CACNG4: variants seen among roughly 807,000 people sequenced by gnomAD.
The protein encoded by CACNG4 is voltage-dependent calcium channel gamma-4 subunit.
In CACNG4, 8 loss-of-function variants were observed where a neutral mutation model predicts 22.9. The observed-to-expected ratio is 0.35, with a 90% CI of 0.21 to 0.63. The LOEUF is 0.63. Ranked by LOEUF, CACNG4 falls within the 30% of genes least tolerant of loss-of-function variation. CACNG4 has a pLI of 0.72. For missense variants in CACNG4, 357 were observed against 455.4 expected, an observed-to-expected ratio of 0.78 and a Z score of 1.97; for synonymous variants, 188 against 191.9, an observed-to-expected ratio of 0.98 and a Z score of 0.17.
intron 1 of CACNG4, among the ~76,000 whole-genome samples, chr17:67,009,785 G>T (rs961330708): frequency 2.1e-4 from 32 of 152,142 alleles, no homozygotes; most frequent in African/African-American, 7.7e-4. Context: ...GCTCTCCAGA[G>T]TCTCTTTTAA....
Position 67,027,645 on chromosome 17 carries a change from A to G in CACNG4, c.445+2645A>G, listed in dbSNP as rs1035471592. Reference sequence around the variant, plus strand: ...ACTGGAATTCATGGAGTTGTTATTTAAGAAACCCTTTTCCAACTCGTGCTG... The same window carrying G: ...ACTGGAATTCATGGAGTTGTTATTTGAGAAACCCTTTTCCAACTCGTGCTG... On this transcript the variant is annotated intron_variant, in intron 3 of 3. Coordinates refer to ENST00000262138, the MANE Select transcript of CACNG4 (RefSeq NM_014405.4). This position sits in a 1 kb window ranked among gnomAD's most constrained non-coding sequence, Gnocchi z 4.3. Among the ~76,000 whole-genome samples, 5 of 152,346 alleles carry G rather than the reference A, an allele frequency of 3.3e-5. No homozygotes were observed. The highest frequency in any genetic ancestry group is 7.3e-5 in the Non-Finnish European group (5 of 68,036).
intron 1 of CACNG4, among the ~76,000 whole-genome samples, chr17:66,973,958 G>A (rs1046860155): frequency 6.6e-6 from 1 of 152,154 alleles, no homozygotes; most frequent in East Asian, 1.9e-4. Context: ...CCAGACAAAG[G>A]ACTTTTTTTC....
chr17:67,028,005 G>T (rs1244672469), intron 3 of CACNG4, among the ~76,000 whole-genome samples: 1 of 151,940 alleles, frequency 6.6e-6, no homozygotes, highest in African/African-American at 2.4e-5. Flanking sequence ...GGGCGACAGA[G>T]CAAGACTCTG....
intron 1 of CACNG4, among the ~76,000 whole-genome samples, chr17:66,968,985 T>A (rs568866188): frequency 6.6e-6 from 1 of 152,034 alleles, no homozygotes; most frequent in South Asian, 2.1e-4. Context: ...ATTCTTTGTA[T>A]CTTTGGTGAC....
intron 1 of CACNG4, among the ~76,000 whole-genome samples, chr17:66,996,375 G>A (rs920272949): frequency 7.3e-5 from 10 of 136,252 alleles, no homozygotes; most frequent in Middle Eastern, 3.7e-3. Flanking sequence ...ACATCAGTCC[G>A]ATTCTTTTTT....
chr17:67,028,484 C>T (rs1391819585), intron 3 of CACNG4, among the ~76,000 whole-genome samples: 3 of 151,730 alleles, frequency 2.0e-5, no homozygotes, highest in South Asian at 2.1e-4. Context: ...ACCCGGGAGG[C>T]GGAGCTTGCA....
At chr17:66,965,160 C>A (rs112802203) in intron 1 of CACNG4, 29 bp downstream of exon 1, 19,034 of 837,022 alleles carry the variant, frequency 0.023, 252 homozygotes, top group East Asian at 0.056. Context: ...CCTCGCCGCC[C>A]CACACACACA....
chr17:66,979,667 G>C (rs534468770), intron 1 of CACNG4, among the ~76,000 whole-genome samples: 1 of 151,152 alleles, frequency 6.6e-6, no homozygotes, highest in East Asian at 2.0e-4. Context: ...TAGATGAAAA[G>C]CATCCCAAGC....
chr17:66,994,553 G>A (rs141505907), intron 1 of CACNG4, among the ~76,000 whole-genome samples: 1 of 152,200 alleles, frequency 6.6e-6, no homozygotes, highest in Admixed American at 6.5e-5. Flanking sequence ...CCCCCCAGGG[G>A]CCCAGTCCTG....
intron 1 of CACNG4, among the ~76,000 whole-genome samples, chr17:66,981,345 G>C (rs1216722856): frequency 3.9e-5 from 6 of 152,158 alleles, no homozygotes; most frequent in Non-Finnish European, 8.8e-5. Flanking sequence ...CTTTCTTCTT[G>C]CTCAGTCTTT....
intron 2 of CACNG4, among the ~76,000 whole-genome samples, 185 bp from the exon 3 acceptor site, chr17:67,024,675 C>G (rs138540715): frequency 1.7e-4 from 26 of 152,372 alleles, no homozygotes; most frequent in African/African-American, 6.3e-4. Context: ...CCACTTGCAT[C>G]TGATCCAATG....
intron 1 of CACNG4, among the ~76,000 whole-genome samples, chr17:66,966,212 G>C (rs932428214): frequency 9.2e-5 from 14 of 152,218 alleles, no homozygotes; most frequent in African/African-American, 3.1e-4. Flanking sequence ...TGCGGAACTT[G>C]AACTAACAGG....
chr17:66,983,698 GAC>G lies in CACNG4; in HGVS notation c.220+18569_220+18570del, dbSNP rs568180464. 3.6e-3 allele frequency among the ~76,000 whole-genome samples: 545 copies of G among 152,336 alleles called. 2 individuals carry two copies. Among genetic ancestry groups the G allele is most frequent in the Non-Finnish European group, 5.9e-3 (402 of 68,040 alleles). On this transcript the variant is annotated intron_variant, in intron 1 of 3. Transcript: ENST00000262138. ...AGAAGGTGAAAATCATTCTGCTCGAGACAGATCCTTTAAGAAGACATTAACCA... is the reference window on the plus strand; with the variant it reads ...AGAAGGTGAAAATCATTCTGCTCGAGAGATCCTTTAAGAAGACATTAACCA...
chr17:67,007,930 C>T (rs1264933782), intron 1 of CACNG4, among the ~76,000 whole-genome samples: 1 of 152,188 alleles, frequency 6.6e-6, no homozygotes, highest in African/African-American at 2.4e-5. Context: ...CCCCACTGCT[C>T]TTGAGCCTTG....
chr17:67,032,012 G>A lies in CACNG4; in HGVS notation c.*1008G>A, dbSNP rs2035610718. 2.2e-6 allele frequency: 1 copy of A among 455,504 alleles called. No individual in the cohort carries two copies. Among genetic ancestry groups the A allele is most frequent in the East Asian group, 6.9e-5 (1 of 14,400 alleles). 28.2% of individuals were successfully genotyped at this position (455,504 alleles called of 1,614,324 possible). A position where few individuals can be genotyped will look rare whatever the true frequency, so the allele number is the denominator to read the frequency against. ...CTAGAGAACAAACATCCATTTCCTA[G>A]GTGGTTACAAATCATAACTTCCTGC... On this transcript the variant is annotated 3_prime_UTR_variant, in exon 4 of 4. Coordinates refer to ENST00000262138, the MANE Select transcript of CACNG4 (RefSeq NM_014405.4).
chr17:66,981,767 C>T (rs140689611), intron 1 of CACNG4, among the ~76,000 whole-genome samples: 99 of 152,312 alleles, frequency 6.5e-4, no homozygotes, highest in African/African-American at 2.2e-3. Context: ...AGAGCAAATG[C>T]CTGCTGAGCC....
chr17:67,005,012 C>G (rs1024825912), intron 1 of CACNG4, among the ~76,000 whole-genome samples: 8 of 152,130 alleles, frequency 5.3e-5, no homozygotes, highest in Non-Finnish European at 1.0e-4. Context: ...TTGTGAGGCA[C>G]CCTGCCCCGT....
At chr17:67,010,875 A>AC in intron 1 of CACNG4, among the ~76,000 whole-genome samples, 1 of 152,220 alleles carries the variant, frequency 6.6e-6, no homozygotes, top group Non-Finnish European at 1.5e-5. Context: ...TGGCAGGAGG[A>AC]CAGAGAGACA....
At chr17:66,990,700 A>G (rs1316655452) in intron 1 of CACNG4, among the ~76,000 whole-genome samples, 2 of 143,272 alleles carry the variant, frequency 1.4e-5, no homozygotes, top group Non-Finnish European at 3.0e-5. Flanking sequence ...TTTATTTTTG[A>G]GACGGAGTCT....
Sources: gnomAD v4.1 joint callset for allele counts (sites outside exome capture counted in the v4.1 genomes callset) on GRCh38, gnomAD v4.1.1 for gene constraint, Gnocchi (gnomAD v3.1) non-coding constraint, MANE v1.5 for transcripts, NCBI Gene and HGNC (gene_info 2026-07-23, HGNC 2026-07-21) for gene names.